PCED1A: variants seen among roughly 807,000 people sequenced by gnomAD.
PCED1A encodes the protein PC-esterase domain-containing protein 1A.
A neutral mutation model predicts 41.9 loss-of-function variants in PCED1A; 20 were observed. The ratio of observed to expected loss-of-function variants is 0.48; its 90% CI spans 0.34 to 0.69. The LOEUF is 0.69. PCED1A is among the 30% of genes least tolerant of loss of function. PCED1A has a pLI of 0.01. For synonymous variants in PCED1A, 236 were observed against 241.3 expected (o/e 0.98, Z 0.20); for missense variants, 498 against 602.1 (o/e 0.83, Z 1.81).
chr20:2,835,938 TA>T (rs1250911084), intron 7 of PCED1A, 100 bp downstream of exon 7: 6 of 1,447,380 alleles, frequency 4.1e-6, no homozygotes, highest in Non-Finnish European at 4.6e-6. Flanking sequence ...AACCCAGTGC[TA>T]GGGGCACAAG....
chr20:2,835,985 G>T, intron 7 of PCED1A, 54 bp downstream of exon 7: 1 of 1,455,694 alleles, frequency 6.9e-7, no homozygotes, highest in Non-Finnish European at 9.1e-7. Context: ...CCTAGGCATA[G>T]GAGGCTGGGT....
Position 2,838,235 on chromosome 20 carries a change from G to C in PCED1A, c.838C>G (p.Pro280Ala), listed in dbSNP as rs1316384125. The change falls in exon 6 of 8, where the codon CCT becomes GCT. Residue 280 changes from proline to alanine, a missense_variant. Around this residue, in one of 2 missense-constraint regions of PCED1A, gnomAD observed 245 missense variants for 232.4 expected, o/e 1.05. Coordinates refer to ENST00000360652, the MANE Select transcript of PCED1A (RefSeq NM_022760.6). The surrounding 1 kb of genome is among the most constrained non-coding windows in gnomAD (Gnocchi z 5.8). ...CCCCACTTATGGTAGGGCTCACCAG[G>C]GGGATAGCCACGCTTGGGCAGCTCC... ...GVELPKRGYP[P>A]DPWIEDWAEM... is the part of the protein sequence containing the mutation. 5.0e-6 allele frequency: 8 copies of C among 1,614,122 alleles called. No individual in the cohort carries two copies. In the South Asian group the frequency reaches 8.8e-5, roughly 18 times the overall value.
chr20:2,840,004 C>G, intron 1 of PCED1A, 71 bp from the exon 2 acceptor site: 1 of 1,443,194 alleles, frequency 6.9e-7, no homozygotes, highest in Non-Finnish European at 9.2e-7. Context: ...GCTAGCCCCT[C>G]CGGGGCTGCT....
At chr20:2,839,736 G>A in intron 2 of PCED1A, 53 bp downstream of exon 2, 1 of 1,602,432 alleles carries the variant, frequency 6.2e-7, no homozygotes, top group Non-Finnish European at 8.5e-7. Flanking sequence ...CAGACACACT[G>A]AACGGGCTGC....
Position 2,840,624 on chromosome 20 carries a change from G to T in PCED1A, c.-435C>A, listed in dbSNP as rs1568619123. The T allele has an allele frequency of 1.2e-6, 1 of 829,026 alleles. No homozygotes were observed. Among genetic ancestry groups the T allele is most frequent in the Non-Finnish European group, 1.9e-6 (1 of 513,542 alleles). 51.4% of individuals were successfully genotyped at this position (829,026 alleles called of 1,614,324 possible). A position where few individuals can be genotyped will look rare whatever the true frequency, so the allele number is the denominator to read the frequency against. ...GCCCAGGTACGGGCTGGGGTCTCGG[G>T]GCGGCAGCCAAGTGAGGCTGCCCAC... On this transcript the variant is annotated 5_prime_UTR_variant, in exon 1 of 8. Transcript: ENST00000360652.
chr20:2,839,262 G>A lies in PCED1A; in HGVS notation c.134C>T (p.Ala45Val). The change falls in exon 3 of 8, where the codon GCT becomes GTT. Residue 45 changes from alanine to valine, a missense_variant. Ala to Val is a moderately conservative substitution (Grantham distance 64). Around this residue, in one of 2 missense-constraint regions of PCED1A, gnomAD observed 253 missense variants for 369.7 expected, o/e 0.68. Coordinates refer to ENST00000360652, the MANE Select transcript of PCED1A (RefSeq NM_022760.6). ...CAAGAGCACCAGGTCCTTGTACACA[G>A]CCCTCTGAACTGGGAGGAGACAGAG... is the stretch of plus-strand genomic sequence containing the variant. ...VVILGDSIQR[A>V]VYKDLVLLLQ... is the part of the protein sequence containing the mutation. The A allele has an allele frequency of 6.2e-7, 1 of 1,613,824 alleles. No individual in the cohort carries two copies. The highest frequency in any genetic ancestry group is 8.5e-7 in the Non-Finnish European group (1 of 1,180,008).
rs142408621 is a variant in PCED1A at position 2,836,245 on chromosome 20, A to C, written c.911T>G (p.Phe304Cys). The change falls in exon 7 of 8, where the codon TTC becomes TGC. Residue 304 changes from phenylalanine (F) to cysteine (C), a missense_variant. This residue lies in a region of PCED1A where 245 missense variants were observed against 232.4 expected (regional missense o/e 1.05). Transcript: ENST00000360652. ...FQGSHRQTPD[F>C]GEHLALLPPP... ...TGGGAGCAAGGCCAGGTGCTCCCCGAAGTCTGGGGTCTGCCTATGGCTTCC... is the reference window on the plus strand; with the variant it reads ...TGGGAGCAAGGCCAGGTGCTCCCCGCAGTCTGGGGTCTGCCTATGGCTTCC... 368 of 1,614,110 alleles carry C rather than the reference A, an allele frequency of 2.3e-4. 2 individuals are homozygous for C. In the African/African-American group the frequency reaches 4.4e-3, roughly 19 times the overall value.
At chr20:2,840,876 C>G (rs1196890506), upstream of PCED1A, 5 of 1,523,492 alleles carry the variant, frequency 3.3e-6, no homozygotes, top group African/African-American at 5.5e-5. Flanking sequence ...CCTGCTCGCC[C>G]GCCGGCTGGA....
Position 2,840,281 on chromosome 20 carries a change from C to T in PCED1A, c.-92G>A, listed in dbSNP as rs895958473. 1.2e-5 allele frequency: 3 copies of T among 244,690 alleles called. No individual in the cohort carries two copies. Among genetic ancestry groups the T allele is most frequent in the Admixed American group, 5.7e-5 (1 of 17,408 alleles). 15.2% of individuals were successfully genotyped at this position (244,690 alleles called of 1,614,324 possible). Reference sequence around the variant, plus strand: ...TGCGCACCGCGCGCCTGGCCCGCAGCGGGCTCCTAGCCAAGCCTCATGTTC... The same window carrying T: ...TGCGCACCGCGCGCCTGGCCCGCAGTGGGCTCCTAGCCAAGCCTCATGTTC... On this transcript the variant is annotated 5_prime_UTR_variant, in exon 1 of 8. Coordinates refer to ENST00000360652, the MANE Select transcript of PCED1A (RefSeq NM_022760.6).
intron 2 of PCED1A, 41 bp from the exon 3 acceptor site, chr20:2,839,312 G>A (rs1365043978): frequency 6.3e-7 from 1 of 1,584,756 alleles, no homozygotes; most frequent in African/African-American, 1.3e-5. Context: ...GCAGACCTCA[G>A]CCTGCCCCAG....
upstream of PCED1A, chr20:2,840,994 C>G (rs1017899641): frequency 4.7e-6 from 3 of 640,058 alleles, no homozygotes; most frequent in Admixed American, 9.3e-5. Context: ...GGGCAGGGAG[C>G]CGGGCCTTCC....
Position 2,838,954 on chromosome 20 carries a change from G to A in PCED1A, c.333C>T (p.Tyr111=), listed in dbSNP as rs1192588301. 63 of 1,613,958 alleles carry A rather than the reference G, an allele frequency of 3.9e-5. No individual in the cohort carries two copies. The highest frequency in any genetic ancestry group is 5.3e-5 in the Non-Finnish European group (62 of 1,180,042). Residue 111 remains tyrosine, a synonymous_variant, in exon 4 of 8, where the codon TAC becomes TAT. Transcript: ENST00000360652. The surrounding 1 kb of genome is among the most constrained non-coding windows in gnomAD (Gnocchi z 5.8). Reference sequence around the variant, plus strand: ...ACTCGGAGTAAACACGAGTGAGGAAGTAGAAGCGCACAAGGTGGTGGCCAG... The same window carrying A: ...ACTCGGAGTAAACACGAGTGAGGAAATAGAAGCGCACAAGGTGGTGGCCAG... ...SGSGHHLVRF[Y]FLTRVYSEYL...
chr20:2,835,387 C>T lies in PCED1A; in HGVS notation c.*75G>A. ...GAACAATACCAGGCATAGCAGACAC[C>T]CTAGCCCAGTACCTGAGGTGCCAGG... On this transcript the variant is annotated 3_prime_UTR_variant, in exon 8 of 8. Transcript: ENST00000360652. 2.0e-6 allele frequency: 3 copies of T among 1,527,550 alleles called. No individual in the cohort carries two copies. The highest frequency in any genetic ancestry group is 2.7e-6 in the Non-Finnish European group (3 of 1,130,726). The allele number at this position is 1,527,550 out of a possible 1,614,324, so 94.6% of individuals were successfully genotyped here.
chr20:2,839,215 TGAGCAGTGAGTCTTTCTG>T lies in PCED1A; in HGVS notation c.163_180del (p.Gln55_Leu60del). 1 of 1,613,786 alleles carries T rather than the reference TGAGCAGTGAGTCTTTCTG, an allele frequency of 6.2e-7. No homozygotes were observed. Among genetic ancestry groups the T allele is most frequent in the South Asian group, 1.1e-5 (1 of 91,066 alleles). On this transcript the variant is annotated inframe_deletion, in exon 3 of 8. Coordinates refer to ENST00000360652, the MANE Select transcript of PCED1A (RefSeq NM_022760.6). ...ACCTTGGCTTTCAGCTGGGCAGCTG[TGAGCAGTGAGTCTTTCTG>T]GAGCAAGAGCACCAGGTCCTTGTAC...
upstream of PCED1A, chr20:2,840,667 C>G (rs940056343): frequency 8.0e-7 from 1 of 1,245,568 alleles, no homozygotes; most frequent in Non-Finnish European, 1.1e-6. Context: ...ATGGCCGCGG[C>G]GGCGGCCTCG....
Position 2,838,897 on chromosome 20 carries a change from AT to A in PCED1A, c.389del (p.Tyr130LeufsTer8). 1 of 1,614,046 alleles carries A rather than the reference AT, an allele frequency of 6.2e-7. No individual in the cohort carries two copies. ...TGATCACCAGGTCCGGGGCAGGTCCATATGTCAGCTCTTCCAGAACATCCTC... is the reference window on the plus strand; with the variant it reads ...TGATCACCAGGTCCGGGGCAGGTCCAATGTCAGCTCTTCCAGAACATCCTC... ...YLEDVLEELT[Y>X]GPAPDLVIIN... On this transcript the variant is annotated frameshift_variant, in exon 4 of 8. Transcript: ENST00000360652. LOFTEE classifies it high-confidence loss of function. This position sits in a 1 kb window ranked among gnomAD's most constrained non-coding sequence, Gnocchi z 5.8.
intron 7 of PCED1A, 38 bp downstream of exon 7, chr20:2,836,001 G>A: frequency 6.9e-7 from 1 of 1,458,658 alleles, no homozygotes; most frequent in East Asian, 2.5e-5. Context: ...TGGGTAAGGG[G>A]AGGTACAAGA....
upstream of PCED1A, chr20:2,840,866 C>T: frequency 6.7e-7 from 1 of 1,502,924 alleles, no homozygotes; most frequent in Non-Finnish European, 9.0e-7. Context: ...CCTGGCTTAC[C>T]CTGCTCGCCC....
chr20:2,836,093 G>A lies in PCED1A; in HGVS notation c.1063C>T (p.His355Tyr). The change falls in exon 7 of 8, where the codon CAT (histidine) becomes TAT (tyrosine). Residue 355 changes from histidine to tyrosine, a missense_variant. Physicochemically the swap from His to Tyr is moderately conservative, Grantham distance 83. Transcript: ENST00000360652. Reference sequence around the variant, plus strand: ...ACTGGATTATAGTTGAAGAATTCATGGGGTGGGAAGGGCTGGCCTGGGAAA... The same window carrying A: ...ACTGGATTATAGTTGAAGAATTCATAGGGTGGGAAGGGCTGGCCTGGGAAA... Reference protein sequence around the residue: ...PFFPGQPFPPHEFFNYNPVED... With the variant: ...PFFPGQPFPPYEFFNYNPVED... 6.5e-7 allele frequency: 1 copy of A among 1,540,084 alleles called. No individual in the cohort carries two copies. The highest frequency in any genetic ancestry group is 8.7e-7 in the Non-Finnish European group (1 of 1,144,954).
Sources: gnomAD v4.1 joint callset for allele counts on GRCh38, gnomAD v4.1.1 for gene constraint, gnomAD v4.1.1 regional missense constraint, Gnocchi (gnomAD v3.1) non-coding constraint, MANE v1.5 for transcripts, NCBI Gene and HGNC (gene_info 2026-07-23, HGNC 2026-07-21) for gene names.